HMCN2: variants seen among roughly 807,000 people sequenced by gnomAD.
HMCN2 encodes the protein hemicentin 2.
In HMCN2, 325 loss-of-function variants were observed where a neutral mutation model predicts 377.5. The observed-to-expected ratio is 0.86, with a 90% confidence interval of 0.79 to 0.94. The LOEUF is 0.94. Ranked by LOEUF, HMCN2 falls within the 40% of genes least tolerant of loss-of-function variation. The probability of loss-of-function intolerance (pLI) is 0.00; values close to 1 mark genes in which losing one functional copy is unlikely to be tolerated. For synonymous variants in HMCN2, 2,007 were observed against 2,046.8 expected (o/e 0.98, Z 0.53); for missense variants, 4,543 against 4,725.3 (o/e 0.96, Z 1.13).
rs1342055781 is a variant in HMCN2, at chr9:130,408,656, G to A, written c.12689-87G>A. ...AGCCTCTGGAGGCCCCTGGAGGCAG[G>A]AGTTGGGCAGTCCTTTGGGGTTTAT... On this transcript the variant is annotated intron_variant, in intron 83 of 97. Transcript: ENST00000683500. 6 of 967,656 alleles carry A rather than the reference G, an allele frequency of 6.2e-6. No homozygotes were observed. The East Asian group carries it at 3.7e-4, about 60-fold the overall frequency. The allele number at this position is 967,656 out of a possible 1,614,324, so 59.9% of individuals were successfully genotyped here.
At position 130,395,123 on chromosome 9, in the gene HMCN2, T is replaced by TG; in HGVS notation, c.10774+19dup. On this transcript the variant is annotated intron_variant, in intron 70 of 97. Transcript: ENST00000683500. ...CAGGGTTCAAGGTAGGTGGTGGGGG[T>TG]GGGGTGGGGGCAGGGCCGGGAGGCA... The TG allele has an allele frequency of 1.2e-5, 1 of 83,134 alleles. No individual in the cohort carries two copies. The allele number at this position is 83,134 out of a possible 1,614,324, so 5.1% of individuals were successfully genotyped here. A position where few individuals can be genotyped will look rare whatever the true frequency, so the allele number is the denominator to read the frequency against.
intron 74 of HMCN2, 31 bp from the exon 75 acceptor site, chr9:130,398,520 A>T: frequency 8.7e-7 from 1 of 1,155,756 alleles, no homozygotes; most frequent in Non-Finnish European, 1.1e-6. Context: ...TGCCCCCTGC[A>T]CCTGTCTCCT....
intron 25 of HMCN2, among the ~76,000 whole-genome samples, chr9:130,343,988 G>A (rs1297837022): frequency 6.6e-6 from 1 of 152,102 alleles, no homozygotes; most frequent in Non-Finnish European, 1.5e-5. Context: ...TGTGTGGTGT[G>A]TGGGACTCTG....
intron 4 of HMCN2, among the ~76,000 whole-genome samples, chr9:130,286,829 C>T (rs1156860840): frequency 6.6e-6 from 1 of 152,212 alleles, no homozygotes; most frequent in Non-Finnish European, 1.5e-5. Context: ...TCTGCGTTCA[C>T]TCAGAGCCCA....
rs2131801968 is a variant in HMCN2, at chr9:130,422,437, G to C, written c.13232-140G>C. 3.6e-6 allele frequency: 2 copies of C among 555,716 alleles called. No individual in the cohort carries two copies. Among genetic ancestry groups the C allele is most frequent in the East Asian group, 7.0e-5 (2 of 28,710 alleles). 34.4% of individuals were successfully genotyped at this position (555,716 alleles called of 1,614,324 possible). A position where few individuals can be genotyped will look rare whatever the true frequency, so the allele number is the denominator to read the frequency against. ...TGGGCGTTGAGTCCATGACCCCTTA[G>C]CTGTGTGTCCTTGGACAAGTGGAGG... is the stretch of plus-strand genomic sequence containing the variant. On this transcript the variant is annotated intron_variant, in intron 86 of 97. Coordinates refer to ENST00000683500, the MANE Select transcript of HMCN2 (RefSeq NM_001291815.2). This position sits in a 1 kb window ranked among gnomAD's most constrained non-coding sequence, Gnocchi z 4.2.
At position 130,353,048 on chromosome 9, in the gene HMCN2, C is replaced by T. The variant is rs1040501756; in HGVS notation, c.4707C>T (p.Asp1569=). The T allele has an allele frequency of 2.0e-5, 26 of 1,304,084 alleles. No individual in the cohort carries two copies. In the Admixed American group the frequency reaches 4.4e-4, roughly 22 times the overall value. 80.8% of individuals were successfully genotyped at this position (1,304,084 alleles called of 1,614,324 possible). A position where few individuals can be genotyped will look rare whatever the true frequency, so the allele number is the denominator to read the frequency against. Residue 1569 remains aspartate (D), a synonymous_variant, in exon 31 of 98, where the codon GAC becomes GAT. Coordinates refer to ENST00000683500, the MANE Select transcript of HMCN2 (RefSeq NM_001291815.2). Reference sequence around the variant, plus strand: ...CCCCAAACATCACCTGGTTCAAGGACGGGGCCCTGCTCCCCACCAGCACCA... The same window carrying T: ...CCCCAAACATCACCTGGTTCAAGGATGGGGCCCTGCTCCCCACCAGCACCA... ...VPTPNITWFK[D]GALLPTSTKV...
chr9:130,429,856 A>C, intron 94 of HMCN2, 171 bp downstream of exon 94: 1 of 1,271,628 alleles, frequency 7.9e-7, no homozygotes, highest in Non-Finnish European at 1.0e-6. Flanking sequence ...TCTGAGAATA[A>C]CCAAACAGCA....
At chr9:130,270,065 C>T (rs1396687421) in intron 1 of HMCN2, among the ~76,000 whole-genome samples, 5 of 147,902 alleles carry the variant, frequency 3.4e-5, no homozygotes, top group African/African-American at 1.2e-4. Flanking sequence ...CTCACCTCAG[C>T]CTCCCAAAAT....
chr9:130,422,494 C>T lies in HMCN2; in HGVS notation c.13232-83C>T, dbSNP rs866208598. 44 of 1,130,524 alleles carry T rather than the reference C, an allele frequency of 3.9e-5. No homozygotes were observed. The East Asian group carries it at 4.2e-4, about 11-fold the overall frequency. 70.0% of individuals were successfully genotyped at this position (1,130,524 alleles called of 1,614,324 possible). A position where few individuals can be genotyped will look rare whatever the true frequency, so the allele number is the denominator to read the frequency against. On this transcript the variant is annotated intron_variant, in intron 86 of 97. Transcript: ENST00000683500. This position sits in a 1 kb window ranked among gnomAD's most constrained non-coding sequence, Gnocchi z 4.2. ...CTCCGAGCCTCCATTTACTCCTTCA[C>T]GAAATGGGAATGACAGCCTGCTTGT...
chr9:130,266,253 C>G (rs1217900543), intron 1 of HMCN2, 116 bp downstream of exon 1: 2 of 356,388 alleles, frequency 5.6e-6, no homozygotes, highest in Non-Finnish European at 1.1e-5. Flanking sequence ...CGCGGCTTGG[C>G]GGGCGCGCCT....
intron 66 of HMCN2, among the ~76,000 whole-genome samples, chr9:130,392,757 G>A (rs1248594083): frequency 2.0e-5 from 3 of 152,164 alleles, no homozygotes; most frequent in Non-Finnish European, 1.5e-5. Flanking sequence ...AGCACTTTGG[G>A]AGGCCAAGGC....
At chr9:130,396,411 T>A in intron 73 of HMCN2, 98 bp downstream of exon 73, 4 of 1,032,906 alleles carry the variant, frequency 3.9e-6, no homozygotes, top group Non-Finnish European at 3.8e-6. Context: ...GAAAAGTGAC[T>A]TTATCATCAG....
chr9:130,284,565 TC>T (rs1419058918), intron 1 of HMCN2, 37 bp from the exon 2 acceptor site: 3 of 470,682 alleles, frequency 6.4e-6, no homozygotes, highest in Non-Finnish European at 1.3e-5. Context: ...TGTCTAGGAG[TC>T]CCAGCCCATC....
intron 85 of HMCN2, among the ~76,000 whole-genome samples, chr9:130,417,449 G>A (rs1284029417): frequency 2.0e-5 from 3 of 150,846 alleles, no homozygotes; most frequent in African/African-American, 7.3e-5. Flanking sequence ...TTGAAGCCGG[G>A]AGGCAGAGGT....
rs1304200934 is a variant in HMCN2, at chr9:130,425,720, G to A, written c.13675G>A (p.Gly4559Ser). The A allele has an allele frequency of 6.5e-7, 1 of 1,546,670 alleles. No individual in the cohort carries two copies. Reference sequence around the variant, plus strand: ...GGAGCACTACGTGCAAACAGGGCCTGGCCAGCTGTTCGTGGGCTCCACACA... The same window carrying A: ...GGAGCACTACGTGCAAACAGGGCCTAGCCAGCTGTTCGTGGGCTCCACACA... ...FEEHYVQTGPGQLFVGSTQRF... is the reference protein window; with the variant it reads ...FEEHYVQTGPSQLFVGSTQRF... The change falls in exon 90 of 98, where the codon GGC becomes AGC. Residue 4559 changes from glycine (G) to serine (S), a missense_variant. Gly to Ser is a moderately conservative substitution (Grantham distance 56). Coordinates refer to ENST00000683500, the MANE Select transcript of HMCN2 (RefSeq NM_001291815.2).
rs1230344117 is a variant in HMCN2, at chr9:130,358,418, G to A, written c.5609G>A (p.Gly1870Asp). 1 of 1,304,002 alleles carries A rather than the reference G, an allele frequency of 7.7e-7. No homozygotes were observed. The highest frequency in any genetic ancestry group is 1.0e-6 in the Non-Finnish European group (1 of 988,850). 80.8% of individuals were successfully genotyped at this position (1,304,002 alleles called of 1,614,324 possible). A position where few individuals can be genotyped will look rare whatever the true frequency, so the allele number is the denominator to read the frequency against. Residue 1870 changes from glycine to aspartate, a missense_variant, in exon 36 of 98, where the codon GGC becomes GAC. By Grantham distance (94) the Gly-to-Asp change is moderately conservative. Around this residue, in one of 5 missense-constraint regions of HMCN2, gnomAD observed 1,032 missense variants for 1,285.1 expected, o/e 0.80. Transcript: ENST00000683500. ...GAGAAGGTGGACCTGAGGGACGAGG[G>A]CATCTACACTTGTGCTGCTACCAAC... ...QIEKVDLRDE[G>D]IYTCAATNLA...
Position 130,384,745 on chromosome 9 carries a change from A to G in HMCN2, c.9053A>G (p.Glu3018Gly). The change falls in exon 59 of 98, where the codon GAA (glutamate) becomes GGA (glycine). Residue 3018 changes from glutamate to glycine, a missense_variant. Physicochemically the swap from Glu to Gly is moderately conservative, Grantham distance 98. Transcript: ENST00000683500. ...RLSDSGMYTC[E>G]ALNAAGRDQK... ...TCGGACTCCGGGATGTACACATGCG[A>G]AGCCCTCAATGCTGCCGGCCGAGAC... The G allele has an allele frequency of 7.7e-7, 1 of 1,303,164 alleles. No homozygotes were observed. The highest frequency in any genetic ancestry group is 1.2e-5 in the South Asian group (1 of 81,032). 80.7% of individuals were successfully genotyped at this position (1,303,164 alleles called of 1,614,324 possible). A position where few individuals can be genotyped will look rare whatever the true frequency, so the allele number is the denominator to read the frequency against.
At chr9:130,426,019 A>C in intron 90 of HMCN2, 95 bp downstream of exon 90, 4 of 902,422 alleles carry the variant, frequency 4.4e-6, no homozygotes, top group Non-Finnish European at 6.7e-6. Context: ...CCTGCCCCTA[A>C]CATCCACTGA....
chr9:130,431,188 C>T, intron 95 of HMCN2, 179 bp from the exon 96 acceptor site: 3 of 647,538 alleles, frequency 4.6e-6, no homozygotes, highest in Non-Finnish European at 5.3e-6. Context: ...GCTCCTCCCT[C>T]TCAGCAAGCA....
Sources: gnomAD v4.1 joint callset for allele counts (sites outside exome capture counted in the v4.1 genomes callset) on GRCh38, gnomAD v4.1.1 for gene constraint, gnomAD v4.1.1 regional missense constraint, Gnocchi (gnomAD v3.1) non-coding constraint, MANE v1.5 for transcripts, NCBI Gene and HGNC (gene_info 2026-07-23, HGNC 2026-07-21) for gene names.